The following GRIN2B variants were observed in gnomAD, a reference collection of about 807,000 sequenced individuals.
GRIN2B encodes the protein glutamate ionotropic receptor NMDA type subunit 2B, also known as glutamate receptor ionotropic, NMDA 2B.
Under a neutral mutation model 114.5 loss-of-function variants are expected in GRIN2B, and 5 were observed. The ratio of observed to expected loss-of-function variants is 0.04; its 90% CI spans 0.02 to 0.09. The LOEUF (loss-of-function observed/expected upper bound fraction) is 0.09. Ranked by LOEUF, GRIN2B falls within the 10% of genes least tolerant of loss-of-function variation. GRIN2B has a pLI of 1.00. For missense variants in GRIN2B, 1,108 were observed against 1,943.5 expected, an observed-to-expected ratio of 0.57 and a Z score of 8.08; for synonymous variants, 787 against 745.1, an observed-to-expected ratio of 1.06 and a Z score of -0.92.
intron 4 of GRIN2B, among the ~76,000 whole-genome samples, chr12:13,734,443 G>A (rs139142826): frequency 9.2e-5 from 14 of 152,324 alleles, no homozygotes; most frequent in African/African-American, 3.4e-4. Context: ...AACGCTTTAT[G>A]TGCACATAGC....
chr12:13,870,698 A>G (rs1381171072), intron 2 of GRIN2B, among the ~76,000 whole-genome samples: 3 of 152,226 alleles, frequency 2.0e-5, no homozygotes, highest in African/African-American at 7.2e-5. Flanking sequence ...GAGTGATTCA[A>G]TTAAGGAGAC....
chr12:13,835,362 G>A (rs1865241475), intron 3 of GRIN2B, among the ~76,000 whole-genome samples: 3 of 152,158 alleles, frequency 2.0e-5, no homozygotes. Context: ...TGTCTATCTT[G>A]TGAGCATCCC....
Position 13,633,268 on chromosome 12 carries a change from C to T in GRIN2B, c.1126-16611G>A, listed in dbSNP as rs117859266. On this transcript the variant is annotated intron_variant, in intron 5 of 13. Coordinates refer to ENST00000609686, the MANE Select transcript of GRIN2B (RefSeq NM_000834.5). ...GGCAGCATGGGCATCATTTGACATGCACATTCTCAGGCATCTCTCCAGAAC... is the reference window on the plus strand; with the variant it reads ...GGCAGCATGGGCATCATTTGACATGTACATTCTCAGGCATCTCTCCAGAAC... 3.3e-4 allele frequency among the ~76,000 whole-genome samples: 51 copies of T among 152,346 alleles called. No individual in the cohort carries two copies. In the East Asian group the frequency reaches 8.5e-3, roughly 25 times the overall value.
At chr12:13,686,712 A>G (rs932102562) in intron 4 of GRIN2B, among the ~76,000 whole-genome samples, 1 of 152,118 alleles carries the variant, frequency 6.6e-6, no homozygotes. Context: ...TAACCCTTGT[A>G]ATCTTTGCTT....
At chr12:13,621,798 T>C (rs1439301933) in intron 5 of GRIN2B, among the ~76,000 whole-genome samples, 1 of 151,972 alleles carries the variant, frequency 6.6e-6, no homozygotes, top group Non-Finnish European at 1.5e-5. Context: ...GTAGGAAAAT[T>C]CTAGGGAACT....
At chr12:13,848,707 C>T (rs1865507747) in intron 3 of GRIN2B, among the ~76,000 whole-genome samples, 1 of 152,152 alleles carries the variant, frequency 6.6e-6, no homozygotes, top group Non-Finnish European at 1.5e-5. Flanking sequence ...CCAGATACTT[C>T]CAACTCTTAA....
chr12:13,758,700 C>T (rs916972598), intron 3 of GRIN2B, among the ~76,000 whole-genome samples: 1 of 152,172 alleles, frequency 6.6e-6, no homozygotes, highest in Non-Finnish European at 1.5e-5. Context: ...ATTCAAATGT[C>T]AGGTCTTTTA....
intron 2 of GRIN2B, among the ~76,000 whole-genome samples, chr12:13,927,555 G>A (rs1487889293): frequency 2.0e-5 from 3 of 152,036 alleles, no homozygotes; most frequent in Non-Finnish European, 2.9e-5. Flanking sequence ...ACCAGATTTG[G>A]CCTACAGACT....
At chr12:13,844,978 T>C (rs368621549) in intron 3 of GRIN2B, among the ~76,000 whole-genome samples, 1 of 152,222 alleles carries the variant, frequency 6.6e-6, no homozygotes, top group Non-Finnish European at 1.5e-5. Flanking sequence ...TTTTCCAGTA[T>C]GAATTTCTGC....
intron 10 of GRIN2B, among the ~76,000 whole-genome samples, chr12:13,594,022 C>G (rs1225144523): frequency 6.6e-6 from 1 of 152,134 alleles, no homozygotes; most frequent in Non-Finnish European, 1.5e-5. Flanking sequence ...AGTCAGGAAA[C>G]AACAGATGCT....
At chr12:13,690,380 C>T (rs1469399182) in intron 4 of GRIN2B, among the ~76,000 whole-genome samples, 1 of 148,162 alleles carries the variant, frequency 6.7e-6, no homozygotes, top group African/African-American at 2.4e-5. Flanking sequence ...CTCTCACACA[C>T]ACACACACAC....
intron 4 of GRIN2B, among the ~76,000 whole-genome samples, chr12:13,676,836 T>G (rs978459623): frequency 1.3e-5 from 2 of 152,138 alleles, no homozygotes; most frequent in African/African-American, 4.8e-5. Context: ...GCTATTACAC[T>G]ATGTATAGGG....
chr12:13,862,936 T>C (rs922205002), intron 3 of GRIN2B, among the ~76,000 whole-genome samples: 7 of 152,222 alleles, frequency 4.6e-5, no homozygotes, highest in African/African-American at 1.4e-4. Context: ...CTGGATCTTT[T>C]TCTTTCTTCT....
In GRIN2B at chr12:13,883,487, C is replaced by T. The variant is rs555599821; in HGVS notation, c.-18-17261G>A. 3.9e-5 allele frequency among the ~76,000 whole-genome samples: 6 copies of T among 152,046 alleles called. No homozygotes were observed. The South Asian group carries it at 1.2e-3, about 32-fold the overall frequency. The stretch of plus-strand genomic sequence containing the variant: ...GTCCTTCTTTCTTTTTGTTAAATTT[C>T]ATTCATTTTACTTGGTGTTCAGTGG... On this transcript the variant is annotated intron_variant, in intron 2 of 13. Coordinates refer to ENST00000609686, the MANE Select transcript of GRIN2B (RefSeq NM_000834.5).
At chr12:13,749,524 T>A (rs773417875) in intron 4 of GRIN2B, among the ~76,000 whole-genome samples, 1 of 152,206 alleles carries the variant, frequency 6.6e-6, no homozygotes, top group East Asian at 1.9e-4. Context: ...GAGAGGAGAA[T>A]AGCAGGCCAA....
intron 5 of GRIN2B, among the ~76,000 whole-genome samples, chr12:13,638,385 A>G (rs190359279): frequency 6.6e-6 from 1 of 152,240 alleles, no homozygotes; most frequent in African/African-American, 2.4e-5. Flanking sequence ...CAAAACCAAG[A>G]CATGTCCACG....
At chr12:13,935,590 A>T (rs1341478111) in intron 2 of GRIN2B, among the ~76,000 whole-genome samples, 2 of 152,186 alleles carry the variant, frequency 1.3e-5, no homozygotes, top group Admixed American at 1.3e-4. Context: ...TTAGCCCCTT[A>T]TGCATCTGTT....
intron 5 of GRIN2B, among the ~76,000 whole-genome samples, chr12:13,641,761 A>G (rs1384398727): frequency 2.0e-5 from 3 of 152,158 alleles, no homozygotes; most frequent in Non-Finnish European, 4.4e-5. Context: ...TGCTTTAATG[A>G]AGTTCAGTTT....
intron 4 of GRIN2B, among the ~76,000 whole-genome samples, chr12:13,736,140 G>GGA (rs1450079261): frequency 3.7e-5 from 1 of 26,746 alleles, no homozygotes; most frequent in Non-Finnish European, 8.8e-5. Context: ...AAAAGCGGGG[G>GGA]GGGGGGGGGG....
Sources: gnomAD v4.1 joint callset for allele counts (sites outside exome capture counted in the v4.1 genomes callset) on GRCh38, gnomAD v4.1.1 for gene constraint, MANE v1.5 for transcripts, NCBI Gene and HGNC (gene_info 2026-07-23, HGNC 2026-07-21) for gene names.